Variants in CLIP4 observed in about 807,000 individuals in gnomAD.
CLIP4 encodes the protein CAP-Gly domain-containing linker protein 4.
CLIP4 carries 47 observed loss-of-function variants against 73.1 expected under a neutral mutation model. The observed-to-expected ratio is 0.64, with a 90% CI of 0.51 to 0.82. The LOEUF (loss-of-function observed/expected upper bound fraction) is 0.82. Ranked by LOEUF, CLIP4 falls within the 40% of genes least tolerant of loss-of-function variation. CLIP4 has a pLI of 0.00. For synonymous variants in CLIP4, 306 were observed against 295.4 expected (o/e 1.04, Z -0.37); for missense variants, 874 against 852.9 (o/e 1.02, Z -0.31).
chr2:29,175,962 T>G (rs1056120923), intron 15 of CLIP4, among the ~76,000 whole-genome samples: 1 of 152,272 alleles, frequency 6.6e-6, no homozygotes, highest in Non-Finnish European at 1.5e-5. Flanking sequence ...GGGATTTCAC[T>G]GTGTTAGCCA....
chr2:29,121,349 A>G, intron 1 of CLIP4, 25 bp from the exon 2 acceptor site: 2 of 1,562,164 alleles, frequency 1.3e-6, no homozygotes, highest in African/African-American at 1.4e-5. Context: ...AAGTAGAAAC[A>G]CTTTTTTTTT....
At chr2:29,129,470 C>A (rs1206338513) in intron 2 of CLIP4, among the ~76,000 whole-genome samples, 1 of 151,692 alleles carries the variant, frequency 6.6e-6, no homozygotes, top group African/African-American at 2.4e-5. Context: ...TACAGACAGA[C>A]ACAGAGATCT....
At chr2:29,143,671 G>A in intron 6 of CLIP4, 38 bp from the exon 7 acceptor site, 1 of 1,344,162 alleles carries the variant, frequency 7.4e-7, no homozygotes, top group Non-Finnish European at 1.1e-6. Context: ...AGTGCTCTAA[G>A]TAAGAGTTGA....
In CLIP4 at chr2:29,152,562, C is replaced by A. The variant is rs149050288; in HGVS notation, c.1022-123C>A. On this transcript the variant is annotated intron_variant, in intron 8 of 15. Transcript: ENST00000320081. ...TGTCTTACATTTTTTTTCCTCTCAT[C>A]ATAGGACATGCAGTGGGCACTAAAG... The A allele has an allele frequency of 5.8e-5, 56 of 969,016 alleles. No homozygotes were observed. The East Asian group carries it at 1.4e-3, about 25-fold the overall frequency. The allele number at this position is 969,016 out of a possible 1,614,324, so 60.0% of individuals were successfully genotyped here.
chr2:29,145,487 G>A (rs1050971473), intron 8 of CLIP4, 120 bp downstream of exon 8: 1 of 767,398 alleles, frequency 1.3e-6, no homozygotes. Flanking sequence ...AGGGGCATGT[G>A]GATGTAGGGA....
chr2:29,148,360 C>G (rs921287775), intron 8 of CLIP4, among the ~76,000 whole-genome samples: 1 of 152,180 alleles, frequency 6.6e-6, no homozygotes, highest in African/African-American at 2.4e-5. Context: ...CTTATCAATG[C>G]TATGGTATAT....
rs989176463 is a variant in CLIP4, at chr2:29,168,684, G to A, written c.1723+1144G>A. ...ACTACAAGCACCTGCCACCACGCCC[G>A]GCTAATTTTTTGTATTTTTAGTAGA... On this transcript the variant is annotated intron_variant, in intron 14 of 15. Coordinates refer to ENST00000320081, the MANE Select transcript of CLIP4 (RefSeq NM_024692.6). Among the ~76,000 whole-genome samples the A allele has an allele frequency of 3.6e-4, 54 of 151,194 alleles. 1 individual carries two copies. The highest frequency in any genetic ancestry group is 7.1e-4 in the Non-Finnish European group (48 of 67,746).
At chr2:29,112,885 T>A (rs1488465409), upstream of CLIP4, among the ~76,000 whole-genome samples, 4 of 152,262 alleles carry the variant, frequency 2.6e-5, no homozygotes, top group Non-Finnish European at 5.9e-5. Flanking sequence ...AGCAGTGACC[T>A]TGTCTTCTTT....
At chr2:29,137,708 A>G (rs961699327) in intron 6 of CLIP4, among the ~76,000 whole-genome samples, 4 of 152,174 alleles carry the variant, frequency 2.6e-5, no homozygotes, top group Admixed American at 1.3e-4. Flanking sequence ...AATAATGGCC[A>G]TTCTGACTGG....
intron 3 of CLIP4, 80 bp from the exon 4 acceptor site, chr2:29,132,072 C>G: frequency 1.0e-6 from 1 of 958,282 alleles, no homozygotes; most frequent in South Asian, 1.4e-5. Flanking sequence ...GATAGACTAA[C>G]TTGGTTCCTC....
At chr2:29,127,887 A>G (rs537492209) in intron 2 of CLIP4, among the ~76,000 whole-genome samples, 4 of 152,316 alleles carry the variant, frequency 2.6e-5, no homozygotes, top group Admixed American at 2.6e-4. Flanking sequence ...GCAATTGACA[A>G]GGAAATTTGG....
At position 29,143,710 on chromosome 2, in the gene CLIP4, A is replaced by T; in HGVS notation, c.650A>T (p.Asn217Ile). Residue 217 changes from asparagine (N) to isoleucine (I), a missense_variant and splice_region_variant, in exon 7 of 16, where the codon AAT (asparagine) becomes ATT (isoleucine). Coordinates refer to ENST00000320081, the MANE Select transcript of CLIP4 (RefSeq NM_024692.6). Reference protein sequence around the residue: ...LEQGANPAFRNDKGQIPADVV... With the variant: ...LEQGANPAFRIDKGQIPADVV... ...TTTTTCTCTTATCTTTATTTGTAGA[A>T]TGACAAAGGACAGATCCCTGCTGAT... The T allele has an allele frequency of 1.3e-6, 2 of 1,596,958 alleles. No individual in the cohort carries two copies. The highest frequency in any genetic ancestry group is 1.7e-6 in the Non-Finnish European group (2 of 1,164,982).
intron 2 of CLIP4, chr2:29,130,805 A>G (rs1228835570): frequency 7.8e-7 from 1 of 1,288,586 alleles, no homozygotes; most frequent in South Asian, 1.2e-5. Context: ...TGGAAAATAT[A>G]TAAATGCAAA....
rs1668713046 is a variant in CLIP4 at position 29,182,942 on chromosome 2, C to T, written c.*1049C>T. ...TTATTTACTTAAATGTTTATAATATCTGGATTTTTTTTGTTTTGTTACTCA... is the reference window on the plus strand; with the variant it reads ...TTATTTACTTAAATGTTTATAATATTTGGATTTTTTTTGTTTTGTTACTCA... On this transcript the variant is annotated 3_prime_UTR_variant, in exon 16 of 16. Coordinates refer to ENST00000320081, the MANE Select transcript of CLIP4 (RefSeq NM_024692.6). 1 of 152,514 alleles carries T rather than the reference C, an allele frequency of 6.6e-6. No individual in the cohort carries two copies. The highest frequency in any genetic ancestry group is 1.9e-4 in the East Asian group (1 of 5,192). The allele number at this position is 152,514 out of a possible 1,614,324, so 9.4% of individuals were successfully genotyped here.
chr2:29,129,177 G>T (rs1321538825), intron 2 of CLIP4, among the ~76,000 whole-genome samples: 1 of 152,104 alleles, frequency 6.6e-6, no homozygotes, highest in Non-Finnish European at 1.5e-5. Flanking sequence ...TAATTCACTT[G>T]TCTAACATGA....
chr2:29,107,368 T>TG (rs1668248037), intron 1 of CLIP4, among the ~76,000 whole-genome samples: 9 of 76,618 alleles, frequency 1.2e-4, no homozygotes, highest in African/African-American at 3.9e-4. Flanking sequence ...GTTTTTTTTT[T>TG]TTTTTTTTTT....
chr2:29,130,860 T>G (rs968875147), intron 2 of CLIP4: 1 of 1,290,014 alleles, frequency 7.8e-7, no homozygotes, highest in African/African-American at 1.5e-5. Flanking sequence ...CCACTACTTA[T>G]GCATGCTGTT....
chr2:29,131,623 C>T, intron 3 of CLIP4: 1 of 378,616 alleles, frequency 2.6e-6, no homozygotes, highest in Non-Finnish European at 4.6e-6. Context: ...CTGGCGGGTG[C>T]AGGGAGGGGC....
At chr2:29,162,390 G>A (rs1057062814) in intron 12 of CLIP4, among the ~76,000 whole-genome samples, 1 of 151,910 alleles carries the variant, frequency 6.6e-6, no homozygotes. Flanking sequence ...TTTGAGGGAG[G>A]TCATATTTGG....
Sources: gnomAD v4.1 joint callset for allele counts (sites outside exome capture counted in the v4.1 genomes callset) on GRCh38, gnomAD v4.1.1 for gene constraint, MANE v1.5 for transcripts, NCBI Gene and HGNC (gene_info 2026-07-23, HGNC 2026-07-21) for gene names.